PIMREG: variants seen among roughly 807,000 people sequenced by gnomAD.
The protein encoded by PIMREG is PICALM interacting mitotic regulator.
A neutral mutation model predicts 24.3 loss-of-function variants in PIMREG; 19 were observed. The ratio of observed to expected loss-of-function variants is 0.78; its 90% confidence interval spans 0.54 to 1.15. The LOEUF is 1.15. Ranked by LOEUF, PIMREG falls within the 50% of genes most tolerant of loss-of-function variation. The pLI, the probability that PIMREG is intolerant of heterozygous loss-of-function variation, is 0.00. For synonymous variants in PIMREG, 112 were observed against 124.1 expected (o/e 0.90, Z 0.65); for missense variants, 283 against 306.8 (o/e 0.92, Z 0.58).
chr17:6,445,088 A>T lies in PIMREG; in HGVS notation c.-23A>T. The stretch of plus-strand genomic sequence containing the variant: ...CCCTCCTCCCCAGGGTCTAGTGGAC[A>T]GAGAAGACTCTTGGCCAGGCAGATG... On this transcript the variant is annotated 5_prime_UTR_variant, in exon 2 of 6. Transcript: ENST00000572447. 1 of 1,561,992 alleles carries T rather than the reference A, an allele frequency of 6.4e-7. No homozygotes were observed. The highest frequency in any genetic ancestry group is 8.7e-7 in the Non-Finnish European group (1 of 1,154,822).
At chr17:6,446,808 G>A (rs1042792681) in intron 2 of PIMREG, among the ~76,000 whole-genome samples, 16 of 152,198 alleles carry the variant, frequency 1.1e-4, no homozygotes, top group Non-Finnish European at 1.5e-4. Context: ...GGTGCTGGGC[G>A]GGGTGGCCTG....
chr17:6,447,350 A>G lies in PIMREG; in HGVS notation c.295-113A>G, dbSNP rs200262322. Reference sequence around the variant, plus strand: ...AGGCTGGTCTCAAAATCCTGACCTCAGGTGATCTGCCTGCCTCGGCCTCCC... The same window carrying G: ...AGGCTGGTCTCAAAATCCTGACCTCGGGTGATCTGCCTGCCTCGGCCTCCC... On this transcript the variant is annotated intron_variant, in intron 2 of 5. Coordinates refer to ENST00000572447, the MANE Select transcript of PIMREG (RefSeq NM_019013.3). 7.9e-5 allele frequency: 91 copies of G among 1,153,566 alleles called. No individual in the cohort carries two copies. The East Asian group carries it at 2.1e-3, about 27-fold the overall frequency. 71.5% of individuals were successfully genotyped at this position (1,153,566 alleles called of 1,614,324 possible).
In PIMREG at chr17:6,447,711, T is replaced by G; in HGVS notation, c.543T>G (p.Ala181=). The stretch of plus-strand genomic sequence containing the variant: ...CATTACGGCGATCAAGGCGGGAGGC[T>G]GCCTTCCGGAGCCCCTACTCCTCAA... ...AHPLRRSRRE[A]AFRSPYSSTE... is the part of the protein sequence containing the mutation. The change falls in exon 3 of 6, where the codon GCT becomes GCG. Residue 181 remains alanine (A), a synonymous_variant. Coordinates refer to ENST00000572447, the MANE Select transcript of PIMREG (RefSeq NM_019013.3). 6.2e-7 allele frequency: 1 copy of G among 1,613,724 alleles called. No individual in the cohort carries two copies. The highest frequency in any genetic ancestry group is 8.5e-7 in the Non-Finnish European group (1 of 1,179,768).
chr17:6,450,244 TG>T, intron 5 of PIMREG, 117 bp from the exon 6 acceptor site: 2 of 1,159,036 alleles, frequency 1.7e-6, no homozygotes, highest in Non-Finnish European at 2.5e-6. Flanking sequence ...AACAGCACGC[TG>T]GGGGCCCCAA....
chr17:6,447,890 G>GGGCA (rs1410712151), intron 3 of PIMREG, 132 bp downstream of exon 3: 11 of 860,344 alleles, frequency 1.3e-5, no homozygotes, highest in Non-Finnish European at 2.0e-5. Context: ...CTGGAGCCAG[G>GGGCA]GGCACCCTGA....
chr17:6,450,334 C>T (rs1240833994), intron 5 of PIMREG, 28 bp from the exon 6 acceptor site: 3 of 1,539,270 alleles, frequency 1.9e-6, no homozygotes, highest in South Asian at 2.4e-5. Flanking sequence ...ACCTTGAGCA[C>T]AGTGAAAAAG....
Position 6,447,685 on chromosome 17 carries a change from C to A in PIMREG, c.517C>A (p.Pro173Thr). 6.2e-7 allele frequency: 1 copy of A among 1,614,178 alleles called. No homozygotes were observed. The highest frequency in any genetic ancestry group is 1.6e-4 in the Middle Eastern group (1 of 6,062). Residue 173 changes from proline (P) to threonine (T), a missense_variant, in exon 3 of 6, where the codon CCA (proline) becomes ACA (threonine). Physicochemically the swap from Pro to Thr is conservative, Grantham distance 38. Coordinates refer to ENST00000572447, the MANE Select transcript of PIMREG (RefSeq NM_019013.3). ...LSVRMGSHAHPLRRSRREAAF... is the reference protein window; with the variant it reads ...LSVRMGSHAHTLRRSRREAAF... Reference sequence around the variant, plus strand: ...TGTCCGGATGGGCTCACATGCCCACCCATTACGGCGATCAAGGCGGGAGGC... The same window carrying A: ...TGTCCGGATGGGCTCACATGCCCACACATTACGGCGATCAAGGCGGGAGGC...
rs963509278 is a variant in PIMREG, at chr17:6,449,585, G to T, written c.686+178G>T. 6 of 1,068,268 alleles carry T rather than the reference G, an allele frequency of 5.6e-6. No homozygotes were observed. The Middle Eastern group carries it at 8.7e-4, about 156-fold the overall frequency. The allele number at this position is 1,068,268 out of a possible 1,614,324, so 66.2% of individuals were successfully genotyped here. A position where few individuals can be genotyped will look rare whatever the true frequency, so the allele number is the denominator to read the frequency against. The stretch of plus-strand genomic sequence containing the variant: ...AGAAAGGACAAAATCCTGGACTGGG[G>T]TGATGGTAAAGGATGTAGCCTGAAT... On this transcript the variant is annotated intron_variant, in intron 4 of 5. Coordinates refer to ENST00000572447, the MANE Select transcript of PIMREG (RefSeq NM_019013.3).
chr17:6,445,787 G>C (rs141030894), intron 2 of PIMREG, among the ~76,000 whole-genome samples: 7 of 152,182 alleles, frequency 4.6e-5, no homozygotes, highest in Non-Finnish European at 7.3e-5. Flanking sequence ...TTAGGGTAGG[G>C]GAAATAGTGC....
At chr17:6,447,892 G>A (rs1913647742) in intron 3 of PIMREG, 134 bp downstream of exon 3, 4 of 805,862 alleles carry the variant, frequency 5.0e-6, no homozygotes, top group Non-Finnish European at 5.8e-6. Flanking sequence ...GGAGCCAGGG[G>A]CACCCTGAGC....
At chr17:6,446,319 C>A in intron 2 of PIMREG, 1 of 397,406 alleles carries the variant, frequency 2.5e-6, no homozygotes, top group Middle Eastern at 5.9e-4. Flanking sequence ...GCTGCAGAGG[C>A]TTCTCCTCGG....
intron 2 of PIMREG, chr17:6,446,272 C>T: frequency 2.5e-6 from 1 of 399,522 alleles, no homozygotes; most frequent in Non-Finnish European, 4.4e-6. Context: ...GGACAGAAGC[C>T]ATTAGGATGA....
chr17:6,445,370 G>T lies in PIMREG; in HGVS notation c.260G>T (p.Arg87Leu). ...PGQQGLQAAARSAKSALGAVS... is the reference protein window; with the variant it reads ...PGQQGLQAAALSAKSALGAVS... ...CAGCAGGGCCTCCAGGCTGCAGCTCGCTCAGCTAAGAGTGCTTTGGGTGCC... is the reference window on the plus strand; with the variant it reads ...CAGCAGGGCCTCCAGGCTGCAGCTCTCTCAGCTAAGAGTGCTTTGGGTGCC... Residue 87 changes from arginine to leucine, a missense_variant, in exon 2 of 6, where the codon CGC becomes CTC. Coordinates refer to ENST00000572447, the MANE Select transcript of PIMREG (RefSeq NM_019013.3). The T allele has an allele frequency of 6.2e-7, 1 of 1,613,878 alleles. No individual in the cohort carries two copies. The highest frequency in any genetic ancestry group is 8.5e-7 in the Non-Finnish European group (1 of 1,179,840).
chr17:6,446,841 A>G (rs1246888224), intron 2 of PIMREG, among the ~76,000 whole-genome samples: 3 of 152,136 alleles, frequency 2.0e-5, no homozygotes, highest in African/African-American at 7.2e-5. Flanking sequence ...CCTCTCCTTC[A>G]GTCCTGGGGT....
At chr17:6,449,515 G>T (rs1390213950) in intron 4 of PIMREG, 108 bp downstream of exon 4, 3 of 1,128,774 alleles carry the variant, frequency 2.7e-6, no homozygotes, top group African/African-American at 3.1e-5. Context: ...ACCCTGGCCA[G>T]TCTCTGCCCC....
chr17:6,446,824 T>C (rs998867472), intron 2 of PIMREG, among the ~76,000 whole-genome samples: 2 of 152,142 alleles, frequency 1.3e-5, no homozygotes, highest in Non-Finnish European at 2.9e-5. Context: ...GCCTGTTCTT[T>C]TGGGGCCCTC....
At chr17:6,447,108 TTG>T (rs34720158) in intron 2 of PIMREG, among the ~76,000 whole-genome samples, 6,753 of 56,084 alleles carry the variant, frequency 0.12, 132 homozygotes, top group Non-Finnish European at 0.15. Context: ...GTTTTTTTTT[TTG>T]TTGTTGTTTG....
chr17:6,446,625 C>T (rs1913580832), intron 2 of PIMREG, among the ~76,000 whole-genome samples: 1 of 152,084 alleles, frequency 6.6e-6, no homozygotes, highest in South Asian at 2.1e-4. Context: ...TGTGAAAGGC[C>T]CAAGAGTTGG....
At chr17:6,449,547 C>G in intron 4 of PIMREG, 140 bp downstream of exon 4, 1 of 1,001,352 alleles carries the variant, frequency 1.0e-6, no homozygotes, top group East Asian at 2.7e-5. Context: ...CAGTCTCCCT[C>G]ATCTCAAACA....
Sources: allele counts gnomAD v4.1 joint callset (sites outside exome capture counted in the v4.1 genomes callset), GRCh38; gene constraint gnomAD v4.1.1; transcripts MANE v1.5; gene names NCBI Gene and HGNC (gene_info 2026-07-23, HGNC 2026-07-21).